The following PRKCA variants were observed in gnomAD, a reference collection of about 807,000 sequenced individuals.
PRKCA encodes the protein protein kinase C alpha type.
Under a neutral mutation model 87.0 loss-of-function variants are expected in PRKCA, and 27 were observed. The observed-to-expected ratio is 0.31, with a 90% CI of 0.23 to 0.43. The LOEUF (loss-of-function observed/expected upper bound fraction) is 0.43, where lower values mean the gene tolerates loss of function less well. PRKCA is among the 20% of genes least tolerant of loss of function. PRKCA has a pLI of 1.00. For missense variants in PRKCA, 518 were observed against 852.3 expected, an observed-to-expected ratio of 0.61 and a Z score of 4.88; for synonymous variants, 329 against 311.1, an observed-to-expected ratio of 1.06 and a Z score of -0.61.
chr17:66,714,148 G>A (rs560520022), intron 8 of PRKCA, among the ~76,000 whole-genome samples: 11 of 151,994 alleles, frequency 7.2e-5, no homozygotes, highest in Admixed American at 1.3e-4. Context: ...GAAGTGATCC[G>A]ATCACACACC....
chr17:66,628,730 ATCAATAAATAAAAT>A lies in PRKCA; in HGVS notation c.289-12623_289-12610del, dbSNP rs1277257943. ...GTTATAACCAAAAAGATCACTGAAC[ATCAATAAATAAAAT>A]TGGCTGGGCGCTGTGGCTCACACCT... On this transcript the variant is annotated intron_variant, in intron 3 of 16. Coordinates refer to ENST00000413366, the MANE Select transcript of PRKCA (RefSeq NM_002737.3). Among the ~76,000 whole-genome samples, 3 of 152,336 alleles carry A rather than the reference ATCAATAAATAAAAT, an allele frequency of 2.0e-5. No homozygotes were observed. The East Asian group carries it at 5.8e-4, about 29-fold the overall frequency.
At chr17:66,324,448 A>G (rs1224020804) in intron 2 of PRKCA, among the ~76,000 whole-genome samples, 1 of 40,336 alleles carries the variant, frequency 2.5e-5, no homozygotes, top group African/African-American at 8.2e-5. Context: ...CTAAAAATAC[A>G]AAAAAAAAAA....
intron 13 of PRKCA, among the ~76,000 whole-genome samples, chr17:66,751,926 G>A (rs920740831): frequency 1.3e-5 from 2 of 152,206 alleles, no homozygotes; most frequent in South Asian, 4.1e-4. Flanking sequence ...ACTCTGCCAC[G>A]AGAATAGCAC....
intron 3 of PRKCA, among the ~76,000 whole-genome samples, chr17:66,580,304 C>T (rs1003848824): frequency 1.3e-5 from 2 of 152,166 alleles, no homozygotes; most frequent in Admixed American, 6.5e-5. Context: ...GTCAAGAGGT[C>T]GCTTTCAGCA....
At chr17:66,702,821 T>G (rs1472276247) in intron 8 of PRKCA, among the ~76,000 whole-genome samples, 1 of 152,248 alleles carries the variant, frequency 6.6e-6, no homozygotes, top group Non-Finnish European at 1.5e-5. Flanking sequence ...TATTCCACAC[T>G]TAGGCTATAG....
chr17:66,495,101 CA>C (rs34731379), intron 2 of PRKCA, among the ~76,000 whole-genome samples: 5,543 of 132,168 alleles, frequency 0.042, 138 homozygotes, highest in South Asian at 0.093. Flanking sequence ...GACCCGGTCT[CA>C]AAAAAAAAAA....
chr17:66,377,359 C>T (rs1225434603), intron 2 of PRKCA, among the ~76,000 whole-genome samples: 1 of 151,774 alleles, frequency 6.6e-6, no homozygotes, highest in African/African-American at 2.4e-5. Flanking sequence ...TTGTCAATCC[C>T]CTTACTCTCT....
intron 2 of PRKCA, among the ~76,000 whole-genome samples, chr17:66,487,572 GT>G (rs1916038259): frequency 1.3e-5 from 2 of 152,168 alleles, no homozygotes; most frequent in African/African-American, 2.4e-5. Context: ...GTAGCTCTGT[GT>G]TTAGTTGTTT....
intron 2 of PRKCA, among the ~76,000 whole-genome samples, chr17:66,373,902 G>A (rs554554308): frequency 2.0e-5 from 3 of 152,242 alleles, no homozygotes; most frequent in Admixed American, 6.5e-5. Context: ...TTATCACCCC[G>A]GGAGCCCTTA....
At chr17:66,514,609 G>A (rs912250287) in intron 3 of PRKCA, among the ~76,000 whole-genome samples, 1 of 152,106 alleles carries the variant, frequency 6.6e-6, no homozygotes, top group Admixed American at 6.5e-5. Flanking sequence ...GCCTCCTCCA[G>A]CGTTTAGTTT....
At chr17:66,348,356 C>T (rs1038534062) in intron 2 of PRKCA, among the ~76,000 whole-genome samples, 55 of 152,174 alleles carry the variant, frequency 3.6e-4, no homozygotes, top group African/African-American at 6.0e-4. Flanking sequence ...CTGCTAGTAC[C>T]GCCTGGCACT....
chr17:66,558,640 T>C (rs1018520879), intron 3 of PRKCA, among the ~76,000 whole-genome samples: 4 of 151,794 alleles, frequency 2.6e-5, no homozygotes, highest in African/African-American at 9.7e-5. Flanking sequence ...AAGAGTGAGA[T>C]CATCATAAAG....
intron 13 of PRKCA, among the ~76,000 whole-genome samples, chr17:66,758,012 A>G (rs1349920916): frequency 1.3e-5 from 2 of 152,234 alleles, no homozygotes; most frequent in Non-Finnish European, 2.9e-5. Flanking sequence ...GGCGTGAGCC[A>G]CTGCGCCCGG....
chr17:66,349,786 GAGTGTTAGGTGTCTCTTTGGCTGCCTCC>G (rs1907625764), intron 2 of PRKCA, among the ~76,000 whole-genome samples: 1 of 152,110 alleles, frequency 6.6e-6, no homozygotes, highest in African/African-American at 2.4e-5. Context: ...GGCTTTGATT[GAGTGTTAGGTGTCTCTTTGGCTGCCTCC>G]AGTGTCTCTT....
intron 2 of PRKCA, among the ~76,000 whole-genome samples, chr17:66,464,642 A>G (rs1257537258): frequency 1.3e-5 from 2 of 152,160 alleles, no homozygotes; most frequent in African/African-American, 4.8e-5. Flanking sequence ...ATCTTTTCAC[A>G]TGCATATTTG....
At chr17:66,409,033 C>CCAA (rs1555599878) in intron 2 of PRKCA, among the ~76,000 whole-genome samples, 1 of 76,996 alleles carries the variant, frequency 1.3e-5, no homozygotes. Flanking sequence ...TCCCCAGTCT[C>CCAA]AAAAAAAAAA....
intron 13 of PRKCA, among the ~76,000 whole-genome samples, chr17:66,765,454 A>ATATATATCTATATATATC (rs1218360664): frequency 7.7e-6 from 1 of 130,090 alleles, no homozygotes; most frequent in African/African-American, 2.9e-5. Flanking sequence ...ATATATATAT[A>ATATATATCTATATATATC]TCCATATATA....
intron 3 of PRKCA, among the ~76,000 whole-genome samples, chr17:66,633,157 A>G (rs1230071528): frequency 1.3e-5 from 2 of 152,198 alleles, no homozygotes; most frequent in Non-Finnish European, 2.9e-5. Context: ...GAGAAGGGGC[A>G]TGGCAGCTTT....
intron 8 of PRKCA, among the ~76,000 whole-genome samples, chr17:66,722,402 CT>C (rs1340921237): frequency 6.6e-6 from 1 of 152,182 alleles, no homozygotes; most frequent in Non-Finnish European, 1.5e-5. Context: ...GAAAAAACCC[CT>C]AATAGGGAGC....
Sources: allele counts gnomAD v4.1 joint callset (sites outside exome capture counted in the v4.1 genomes callset), GRCh38; gene constraint gnomAD v4.1.1; transcripts MANE v1.5; gene names NCBI Gene and HGNC (gene_info 2026-07-23, HGNC 2026-07-21).